The following PTPRK variants were observed in gnomAD, a reference collection of about 807,000 sequenced individuals.
The protein encoded by PTPRK is protein tyrosine phosphatase receptor type K.
A neutral mutation model predicts 178.0 loss-of-function variants in PTPRK; 75 were observed. The ratio of observed to expected loss-of-function variants is 0.42; its 90% confidence interval spans 0.35 to 0.51. The LOEUF is 0.51. PTPRK is among the 20% of genes least tolerant of loss of function. PTPRK has a pLI of 0.02. For synonymous variants in PTPRK, 637 were observed against 620.6 expected (o/e 1.03, Z -0.39); for missense variants, 1,441 against 1,797.8 (o/e 0.80, Z 3.59).
chr6:128,479,872 A>T (rs1457264292), intron 1 of PTPRK, among the ~76,000 whole-genome samples: 1 of 152,104 alleles, frequency 6.6e-6, no homozygotes, highest in African/African-American at 2.4e-5. Flanking sequence ...TTCCTCCACA[A>T]AATTATTTCT....
intron 1 of PTPRK, among the ~76,000 whole-genome samples, chr6:128,505,296 C>T (rs1856163956): frequency 6.6e-6 from 1 of 150,660 alleles, no homozygotes. Flanking sequence ...AGAAAATTAG[C>T]CATGCGTGGT....
chr6:128,356,487 A>G (rs1833979027), intron 2 of PTPRK, among the ~76,000 whole-genome samples: 1 of 152,180 alleles, frequency 6.6e-6, no homozygotes, highest in African/African-American at 2.4e-5. Flanking sequence ...ATCTTTCCAA[A>G]GCAATGAGAA....
chr6:128,107,257 C>G (rs1166874846), intron 7 of PTPRK, among the ~76,000 whole-genome samples: 2 of 151,782 alleles, frequency 1.3e-5, no homozygotes, highest in African/African-American at 4.8e-5. Flanking sequence ...AAATGGAAGG[C>G]CTTAAGAAAA....
At chr6:128,159,200 G>A (rs546675741) in intron 7 of PTPRK, among the ~76,000 whole-genome samples, 129 of 151,706 alleles carry the variant, frequency 8.5e-4, no homozygotes, top group Non-Finnish European at 1.6e-3. Context: ...AACCATTACA[G>A]AAAAAAAGAA....
At chr6:128,480,372 T>C (rs1851914122) in intron 1 of PTPRK, among the ~76,000 whole-genome samples, 1 of 151,450 alleles carries the variant, frequency 6.6e-6, no homozygotes, top group Admixed American at 6.6e-5. Flanking sequence ...TCAGTATTAC[T>C]TTTGTCCTCC....
At chr6:128,332,042 C>A (rs750743959) in intron 2 of PTPRK, among the ~76,000 whole-genome samples, 8 of 152,122 alleles carry the variant, frequency 5.3e-5, no homozygotes, top group Non-Finnish European at 1.2e-4. Flanking sequence ...TAGAAAGTAG[C>A]AAATTTCTCC....
chr6:128,111,662 C>T (rs1326186495), intron 7 of PTPRK, among the ~76,000 whole-genome samples: 1 of 150,828 alleles, frequency 6.6e-6, no homozygotes, highest in Non-Finnish European at 1.5e-5. Context: ...CACTCTCTCT[C>T]ACCCAACCAC....
chr6:128,175,505 C>T (rs954132894), intron 7 of PTPRK, among the ~76,000 whole-genome samples: 2 of 151,628 alleles, frequency 1.3e-5, no homozygotes, highest in African/African-American at 4.8e-5. Context: ...ATATATCCAA[C>T]AGAATATTAA....
At chr6:128,265,991 A>G (rs1180961139) in intron 3 of PTPRK, among the ~76,000 whole-genome samples, 2 of 152,096 alleles carry the variant, frequency 1.3e-5, no homozygotes, top group African/African-American at 4.8e-5. Context: ...GGCACTGTCT[A>G]TGAACGAGAA....
At chr6:128,233,434 G>A (rs1432725403) in intron 5 of PTPRK, among the ~76,000 whole-genome samples, 1 of 152,206 alleles carries the variant, frequency 6.6e-6, no homozygotes, top group Non-Finnish European at 1.5e-5. Flanking sequence ...TAGACCAACC[G>A]CTTTCACTGC....
At chr6:128,143,276 C>G (rs538103624) in intron 7 of PTPRK, among the ~76,000 whole-genome samples, 1 of 152,218 alleles carries the variant, frequency 6.6e-6, no homozygotes, top group Non-Finnish European at 1.5e-5. Context: ...TATTCCTCTC[C>G]AAAGAAGTTC....
chr6:128,435,067 A>C (rs1845360573), intron 1 of PTPRK, among the ~76,000 whole-genome samples: 1 of 98,048 alleles, frequency 1.0e-5, no homozygotes, highest in Non-Finnish European at 1.9e-5. Context: ...GAAGGAAGGA[A>C]GGAAGGAAGG....
chr6:128,316,442 A>G (rs1307464480), intron 3 of PTPRK, among the ~76,000 whole-genome samples: 2 of 152,206 alleles, frequency 1.3e-5, no homozygotes, highest in Non-Finnish European at 2.9e-5. Flanking sequence ...GAAACAATGA[A>G]GGGTACTGTG....
At chr6:128,090,305 C>A (rs915326901) in intron 7 of PTPRK, among the ~76,000 whole-genome samples, 1 of 152,172 alleles carries the variant, frequency 6.6e-6, no homozygotes, top group Non-Finnish European at 1.5e-5. Flanking sequence ...CTGCCCAATT[C>A]TCTGCCTTTC....
intron 1 of PTPRK, among the ~76,000 whole-genome samples, chr6:128,423,471 T>C (rs1257231362): frequency 6.6e-6 from 1 of 151,260 alleles, no homozygotes; most frequent in Non-Finnish European, 1.5e-5. Context: ...TTGAGTTCTT[T>C]AGACCATAAG....
At chr6:127,995,640 A>G in intron 17 of PTPRK, 102 bp from the exon 18 acceptor site, 1 of 668,372 alleles carries the variant, frequency 1.5e-6, no homozygotes, top group Non-Finnish European at 2.5e-6. Flanking sequence ...CCCATAGTCT[A>G]TCCATAGTAT....
At chr6:128,394,648 C>G (rs1450652600) in intron 2 of PTPRK, among the ~76,000 whole-genome samples, 1 of 152,014 alleles carries the variant, frequency 6.6e-6, no homozygotes, top group African/African-American at 2.4e-5. Flanking sequence ...ATTTTTTATT[C>G]TATTTGGCAG....
chr6:128,049,121 C>T (rs1778571787), intron 13 of PTPRK, among the ~76,000 whole-genome samples: 1 of 151,870 alleles, frequency 6.6e-6, no homozygotes, highest in Non-Finnish European at 1.5e-5. Flanking sequence ...AATAAATTTA[C>T]CTATATTAGA....
intron 3 of PTPRK, among the ~76,000 whole-genome samples, chr6:128,287,805 A>G (rs1179247359): frequency 6.6e-6 from 1 of 152,140 alleles, no homozygotes; most frequent in East Asian, 1.9e-4. Flanking sequence ...TCCGTCTGTC[A>G]TCAATTTCTT....
Sources: allele counts gnomAD v4.1 joint callset (sites outside exome capture counted in the v4.1 genomes callset), GRCh38; gene constraint gnomAD v4.1.1; transcripts MANE v1.5; gene names NCBI Gene and HGNC (gene_info 2026-07-23, HGNC 2026-07-21).